SLC16A12: variants seen among roughly 807,000 people sequenced by gnomAD.
The protein encoded by SLC16A12 is solute carrier family 16 member 12, also known as monocarboxylate transporter 12.
Under a neutral mutation model 42.4 loss-of-function variants are expected in SLC16A12, and 17 were observed. That is an observed-to-expected ratio of 0.40 (90% CI 0.27 to 0.60). SLC16A12 has a LOEUF of 0.60. Among genes scored for constraint, SLC16A12 ranks in the 20% least tolerant of loss-of-function variants. SLC16A12 has a pLI of 0.42. For missense variants in SLC16A12, 544 were observed against 623.0 expected, an observed-to-expected ratio of 0.87 and a Z score of 1.35; for synonymous variants, 224 against 229.4, an observed-to-expected ratio of 0.98 and a Z score of 0.21.
chr10:89,552,006 G>A (rs184568196), intron 2 of SLC16A12, among the ~76,000 whole-genome samples: 2 of 152,316 alleles, frequency 1.3e-5, no homozygotes, highest in African/African-American at 4.8e-5. Context: ...TGTGATCTCA[G>A]CTCACTGCAA....
chr10:89,476,397 C>G (rs1175702038), intron 2 of SLC16A12, among the ~76,000 whole-genome samples: 1 of 152,120 alleles, frequency 6.6e-6, no homozygotes, highest in African/African-American at 2.4e-5. Context: ...GAAATTAACC[C>G]CTCATGTCAT....
chr10:89,452,031 A>G (rs1010215048), intron 3 of SLC16A12, among the ~76,000 whole-genome samples: 1 of 152,254 alleles, frequency 6.6e-6, no homozygotes, highest in East Asian at 1.9e-4. Flanking sequence ...CAGTGGTGTT[A>G]TAAGAATCAC....
rs1374796948 is a variant in SLC16A12, at chr10:89,438,595, G to A, written c.1028+9C>T. The A allele has an allele frequency of 6.2e-7, 1 of 1,612,950 alleles. No homozygotes were observed. Among genetic ancestry groups the A allele is most frequent in the Non-Finnish European group, 8.5e-7 (1 of 1,179,478 alleles). The stretch of plus-strand genomic sequence containing the variant: ...GGTGGGGAACCAATTGTGGTTTCAT[G>A]AATTTTACCTTCTGTCGGTCAGCCA... On this transcript the variant is annotated intron_variant, in intron 6 of 7. Transcript: ENST00000371790.
chr10:89,494,503 G>A (rs1360261709), intron 2 of SLC16A12, among the ~76,000 whole-genome samples: 1 of 152,206 alleles, frequency 6.6e-6, no homozygotes, highest in Non-Finnish European at 1.5e-5. Flanking sequence ...ATTTTGTACA[G>A]CAGATTGAGC....
intron 3 of SLC16A12, among the ~76,000 whole-genome samples, chr10:89,453,968 T>C (rs1056425076): frequency 6.6e-6 from 1 of 150,874 alleles, no homozygotes; most frequent in Non-Finnish European, 1.5e-5. Flanking sequence ...GTTCTACTTA[T>C]TCTCTCTCTC....
At chr10:89,547,472 A>C (rs1296497434) in intron 2 of SLC16A12, among the ~76,000 whole-genome samples, 1 of 152,224 alleles carries the variant, frequency 6.6e-6, no homozygotes, top group Non-Finnish European at 1.5e-5. Context: ...CTGAGTATCT[A>C]GTCTGTATAG....
Position 89,441,119 on chromosome 10 carries a change from C to T in SLC16A12, c.437G>A (p.Gly146Glu). The change falls in exon 5 of 8, where the codon GGA becomes GAA. Residue 146 changes from glycine to glutamate, a missense_variant. Physicochemically the swap from Gly to Glu is moderately conservative, Grantham distance 98. Coordinates refer to ENST00000371790, the MANE Select transcript of SLC16A12 (RefSeq NM_213606.4). Reference sequence around the variant, plus strand: ...CAAAGTGCCCTTACCTGTAAGAACTCCCAGAGTGAGGTAGAGATGCTTCAG... The same window carrying T: ...CAAAGTGCCCTTACCTGTAAGAACTTCCAGAGTGAGGTAGAGATGCTTCAG... ...TSLKHLYLTL[G>E]VLTGLGFALC... 6.2e-7 allele frequency: 1 copy of T among 1,613,856 alleles called. No homozygotes were observed. Among genetic ancestry groups the T allele is most frequent in the Non-Finnish European group, 8.5e-7 (1 of 1,179,830 alleles).
intron 2 of SLC16A12, among the ~76,000 whole-genome samples, chr10:89,523,624 A>G (rs1323518931): frequency 1.3e-5 from 2 of 151,566 alleles, no homozygotes; most frequent in East Asian, 3.9e-4. Context: ...ACCACTCATT[A>G]TATGTTGTGT....
At chr10:89,438,472 G>A in intron 6 of SLC16A12, 132 bp downstream of exon 6, 1 of 829,192 alleles carries the variant, frequency 1.2e-6, no homozygotes, top group Non-Finnish European at 1.9e-6. Context: ...ACCAGCAAGG[G>A]AGATGCCTTC....
upstream of SLC16A12, among the ~76,000 whole-genome samples, chr10:89,539,907 TTC>T (rs1307481591): frequency 4.7e-5 from 7 of 148,154 alleles, no homozygotes; most frequent in African/African-American, 1.8e-4. Context: ...CTTTCTTTCT[TTC>T]TTTTTTCTTT....
chr10:89,524,546 C>T (rs567164862), intron 2 of SLC16A12, among the ~76,000 whole-genome samples: 1 of 152,328 alleles, frequency 6.6e-6, no homozygotes, highest in South Asian at 2.1e-4. Flanking sequence ...CGAATTTCTA[C>T]AATTATTTAA....
At chr10:89,451,976 T>C (rs59208408) in intron 3 of SLC16A12, among the ~76,000 whole-genome samples, 2 of 152,334 alleles carry the variant, frequency 1.3e-5, no homozygotes, top group African/African-American at 4.8e-5. Context: ...CAAGAGGCTA[T>C]GCTTTCCTTT....
At chr10:89,539,857 T>TTTTCTTTCTTTCTTTCTTTC (rs71022573), upstream of SLC16A12, among the ~76,000 whole-genome samples, 2,762 of 127,874 alleles carry the variant, frequency 0.022, 61 homozygotes, top group East Asian at 0.047. Context: ...AGAAACAAAT[T>TTTTCTTTCTTTCTTTCTTTC]TTTCTTTCTT....
At chr10:89,453,676 A>G (rs1842132501) in intron 3 of SLC16A12, among the ~76,000 whole-genome samples, 1 of 152,184 alleles carries the variant, frequency 6.6e-6, no homozygotes, top group Non-Finnish European at 1.5e-5. Flanking sequence ...TATGATGTTC[A>G]CATGACAATG....
At chr10:89,533,143 T>TTTTG (rs988121035) in intron 2 of SLC16A12, among the ~76,000 whole-genome samples, 2 of 151,546 alleles carry the variant, frequency 1.3e-5, no homozygotes, top group Non-Finnish European at 2.9e-5. Flanking sequence ...AATTTGTTTT[T>TTTTG]TTGTTGTTGT....
intron 2 of SLC16A12, among the ~76,000 whole-genome samples, chr10:89,547,198 GA>G: frequency 6.6e-6 from 1 of 152,254 alleles, no homozygotes; most frequent in East Asian, 1.9e-4. Context: ...TACAGACCTT[GA>G]ATATGCCTTA....
In SLC16A12 at chr10:89,515,103, GCAAAAC is replaced by G. The variant is rs1370637384; in HGVS notation, c.-47+19392_-47+19397del. Among the ~76,000 whole-genome samples the G allele has an allele frequency of 2.1e-5, 3 of 140,086 alleles. No individual in the cohort carries two copies. In the East Asian group the frequency reaches 6.1e-4, roughly 28 times the overall value. 91.9% of individuals were successfully genotyped at this position (140,086 alleles called of 152,430 possible). ...CAAGACTTCATCTCAAAAAAAAGAA[GCAAAAC>G]AAAACAAAACAAAACAAAACAAAAA... On this transcript the variant is annotated intron_variant, in intron 2 of 7. Transcript: ENST00000371790.
At position 89,505,150 on chromosome 10, in the gene SLC16A12, CT is replaced by C. The variant is rs144518751; in HGVS notation, c.-47+29350del. The stretch of plus-strand genomic sequence containing the variant: ...ACATCTGCCACCCAAATAGGCACTA[CT>C]TTTATTTGGAATACTTTGAATAATT... On this transcript the variant is annotated intron_variant, in intron 2 of 7. Coordinates refer to ENST00000371790, the MANE Select transcript of SLC16A12 (RefSeq NM_213606.4). Among the ~76,000 whole-genome samples the C allele has an allele frequency of 9.0e-3, 1,365 of 152,276 alleles. 8 individuals carry two copies. The highest frequency in any genetic ancestry group is 0.014 in the Non-Finnish European group (934 of 68,022).
chr10:89,499,066 G>C (rs531730685), intron 2 of SLC16A12, among the ~76,000 whole-genome samples: 5 of 152,138 alleles, frequency 3.3e-5, no homozygotes, highest in Admixed American at 6.5e-5. Flanking sequence ...ACAAAACAAG[G>C]CTCTTTAACA....
Sources: allele counts gnomAD v4.1 joint callset (sites outside exome capture counted in the v4.1 genomes callset), GRCh38; gene constraint gnomAD v4.1.1; transcripts MANE v1.5; gene names NCBI Gene and HGNC (gene_info 2026-07-23, HGNC 2026-07-21).